GRID2: variants seen among roughly 807,000 people sequenced by gnomAD.
The protein encoded by GRID2 is glutamate ionotropic receptor delta type subunit 2.
In GRID2, 33 loss-of-function variants were observed where a neutral mutation model predicts 114.8. The ratio of observed to expected loss-of-function variants is 0.29; its 90% confidence interval spans 0.22 to 0.38. The LOEUF (loss-of-function observed/expected upper bound fraction) is 0.38, where lower values mean the gene tolerates loss of function less well. GRID2 is among the 10% of genes least tolerant of loss of function. The pLI is 1.00. For synonymous variants in GRID2, 505 were observed against 449.9 expected, an observed-to-expected ratio of 1.12 and a Z score of -1.55; for missense variants, 1,184 against 1,257.7, an observed-to-expected ratio of 0.94 and a Z score of 0.89.
intron 2 of GRID2, among the ~76,000 whole-genome samples, chr4:92,955,366 G>A (rs1431956797): frequency 6.6e-6 from 1 of 152,180 alleles, no homozygotes; most frequent in Non-Finnish European, 1.5e-5. Context: ...CTGATGGCCA[G>A]TGATGATGAG....
chr4:92,749,637 C>A (rs1490892033), intron 2 of GRID2, among the ~76,000 whole-genome samples: 3 of 151,972 alleles, frequency 2.0e-5, no homozygotes, highest in African/African-American at 7.3e-5. Flanking sequence ...GTATTTTAAG[C>A]CAATTGAAGT....
intron 8 of GRID2, among the ~76,000 whole-genome samples, chr4:93,385,549 C>T (rs1351769486): frequency 6.6e-6 from 1 of 152,102 alleles, no homozygotes; most frequent in East Asian, 1.9e-4. Flanking sequence ...CATGTGCTTG[C>T]CATACGTCAG....
chr4:93,329,290 C>T (rs189801511), intron 8 of GRID2, among the ~76,000 whole-genome samples: 142 of 152,168 alleles, frequency 9.3e-4, no homozygotes, highest in Middle Eastern at 3.4e-3. Context: ...AGACATTTGT[C>T]GCTATACTAA....
intron 10 of GRID2, among the ~76,000 whole-genome samples, chr4:93,441,941 C>T (rs1035488564): frequency 2.6e-5 from 4 of 152,082 alleles, no homozygotes; most frequent in Non-Finnish European, 5.9e-5. Context: ...CAGAGGCTCC[C>T]TCTAGCAGTG....
At chr4:93,073,639 A>G (rs776442656) in intron 2 of GRID2, among the ~76,000 whole-genome samples, 2 of 152,192 alleles carry the variant, frequency 1.3e-5, no homozygotes, top group Middle Eastern at 6.8e-3. Context: ...TAGAAAGTAA[A>G]AGCCTTAAGA....
At position 93,371,484 on chromosome 4, in the gene GRID2, G is replaced by GT. The variant is rs796827816; in HGVS notation, c.1246-24121dup. ...AAAGAGTGAAGCCTTTTACTCAATCGTTCCAGAAAATATCTAATGGATGAA... is the reference window on the plus strand; with the variant it reads ...AAAGAGTGAAGCCTTTTACTCAATCGTTTCCAGAAAATATCTAATGGATGAA... On this transcript the variant is annotated intron_variant, in intron 8 of 15. Coordinates refer to ENST00000282020, the MANE Select transcript of GRID2 (RefSeq NM_001510.4). 9.0e-4 allele frequency among the ~76,000 whole-genome samples: 137 copies of GT among 151,540 alleles called. 1 individual carries two copies. Among genetic ancestry groups the GT allele is most frequent in the African/African-American group, 3.2e-3 (134 of 41,310 alleles).
At chr4:93,272,224 C>A (rs1024325043) in intron 8 of GRID2, among the ~76,000 whole-genome samples, 1 of 152,208 alleles carries the variant, frequency 6.6e-6, no homozygotes, top group East Asian at 1.9e-4. Context: ...AATCCCACTT[C>A]TTGCATCGAA....
At chr4:93,044,869 AT>A (rs1437919638) in intron 2 of GRID2, among the ~76,000 whole-genome samples, 1 of 152,150 alleles carries the variant, frequency 6.6e-6, no homozygotes, top group Non-Finnish European at 1.5e-5. Flanking sequence ...TATCCTAAAG[AT>A]TCACATTGGA....
intron 2 of GRID2, among the ~76,000 whole-genome samples, chr4:93,076,545 A>G (rs1047223933): frequency 2.0e-5 from 3 of 151,386 alleles, no homozygotes; most frequent in African/African-American, 7.3e-5. Context: ...TATCAAGAAT[A>G]GTCATTGGAT....
At chr4:92,668,844 A>G (rs1323898987) in intron 2 of GRID2, among the ~76,000 whole-genome samples, 1 of 151,920 alleles carries the variant, frequency 6.6e-6, no homozygotes, top group Non-Finnish European at 1.5e-5. Flanking sequence ...GTCAGTATTT[A>G]TAATTAACAT....
At chr4:93,037,682 T>A (rs1390624725) in intron 2 of GRID2, among the ~76,000 whole-genome samples, 1 of 152,180 alleles carries the variant, frequency 6.6e-6, no homozygotes, top group Non-Finnish European at 1.5e-5. Flanking sequence ...ACCAACATCA[T>A]TTATTAAATA....
intron 1 of GRID2, among the ~76,000 whole-genome samples, chr4:92,475,133 AAT>A (rs1243915950): frequency 3.5e-5 from 2 of 57,510 alleles, no homozygotes; most frequent in African/African-American, 7.8e-5. Context: ...AATAATAAAT[AAT>A]AATAATAATA....
intron 1 of GRID2, among the ~76,000 whole-genome samples, chr4:92,506,871 G>GA (rs892634092): frequency 6.6e-6 from 1 of 151,698 alleles, no homozygotes; most frequent in Non-Finnish European, 1.5e-5. Flanking sequence ...ATCAGTTTCT[G>GA]AAAAAAATCT....
intron 1 of GRID2, among the ~76,000 whole-genome samples, chr4:92,349,339 A>G (rs1178170612): frequency 2.0e-5 from 3 of 151,940 alleles, no homozygotes; most frequent in Non-Finnish European, 2.9e-5. Context: ...TCCGTTTTTA[A>G]TGAGTATGCA....
chr4:93,677,912 C>T lies in GRID2; in HGVS notation c.2360+51477C>T, dbSNP rs549761080. 1.8e-3 allele frequency among the ~76,000 whole-genome samples: 270 copies of T among 150,922 alleles called. 2 individuals carry two copies. The highest frequency in any genetic ancestry group is 6.8e-3 in the Middle Eastern group (2 of 292). On this transcript the variant is annotated intron_variant, in intron 14 of 15. Transcript: ENST00000282020. ...AAGGAATGCAGTTCCTCACCAGCAA[C>T]GGAACAAAGCTGGATGGAGAATGAC...
intron 2 of GRID2, among the ~76,000 whole-genome samples, chr4:92,678,806 A>G (rs982355391): frequency 3.9e-5 from 6 of 151,978 alleles, no homozygotes; most frequent in Admixed American, 3.3e-4. Flanking sequence ...TTCACATGCT[A>G]TTTTATTCAG....
chr4:92,973,525 T>A (rs1753656098), intron 2 of GRID2, among the ~76,000 whole-genome samples: 1 of 152,192 alleles, frequency 6.6e-6, no homozygotes, highest in East Asian at 1.9e-4. Context: ...TCTACCTCTA[T>A]TATTTATTAA....
intron 2 of GRID2, among the ~76,000 whole-genome samples, chr4:92,737,531 T>G (rs536989258): frequency 6.6e-6 from 1 of 152,142 alleles, no homozygotes; most frequent in Non-Finnish European, 1.5e-5. Context: ...TTCTCCTTCA[T>G]AAGTCCTTAT....
intron 2 of GRID2, among the ~76,000 whole-genome samples, chr4:92,981,528 G>A (rs1754211774): frequency 6.6e-6 from 1 of 152,114 alleles, no homozygotes; most frequent in East Asian, 1.9e-4. Flanking sequence ...GATTATATCT[G>A]CGGCTAACCC....
Sources: allele counts gnomAD v4.1 joint callset (sites outside exome capture counted in the v4.1 genomes callset), GRCh38; gene constraint gnomAD v4.1.1; transcripts MANE v1.5; gene names NCBI Gene and HGNC (gene_info 2026-07-23, HGNC 2026-07-21).